CHRM3: variants seen among roughly 807,000 people sequenced by gnomAD.
The protein encoded by CHRM3 is muscarinic acetylcholine receptor M3.
Under a neutral mutation model 41.8 loss-of-function variants are expected in CHRM3, and 11 were observed. The observed-to-expected ratio is 0.26, with a 90% CI of 0.17 to 0.44. The LOEUF (loss-of-function observed/expected upper bound fraction) is 0.44, where lower values mean the gene tolerates loss of function less well. Among genes scored for constraint, CHRM3 ranks in the 20% least tolerant of loss-of-function variants. The pLI, the probability that CHRM3 is intolerant of heterozygous loss-of-function variation, is 1.00. For synonymous variants in CHRM3, 297 were observed against 301.4 expected (o/e 0.99, Z 0.15); for missense variants, 571 against 745.4 (o/e 0.77, Z 2.72).
chr1:239,754,615 T>A (rs191251573), intron 5 of CHRM3, among the ~76,000 whole-genome samples: 1 of 152,276 alleles, frequency 6.6e-6, no homozygotes, highest in Admixed American at 6.5e-5. Flanking sequence ...CTGGGAGATA[T>A]CAAGTCATTT....
At chr1:239,643,675 C>T (rs2148934473) in intron 4 of CHRM3, among the ~76,000 whole-genome samples, 1 of 152,304 alleles carries the variant, frequency 6.6e-6, no homozygotes, top group East Asian at 1.9e-4. Flanking sequence ...GTCTGTCACC[C>T]CTTTCTTTGA....
chr1:239,714,050 C>T (rs1349196418), intron 5 of CHRM3: 2 of 152,146 alleles, frequency 1.3e-5, no homozygotes, highest in African/African-American at 4.8e-5. Context: ...CTCTCAAGGC[C>T]TTAGTTCTTA....
intron 5 of CHRM3, among the ~76,000 whole-genome samples, chr1:239,825,496 T>C (rs1475425651): frequency 6.6e-6 from 1 of 152,224 alleles, no homozygotes; most frequent in Non-Finnish European, 1.5e-5. Context: ...CTGTAAGTTC[T>C]CGTGGTGTAT....
At chr1:239,700,173 C>A (rs748468057) in intron 5 of CHRM3, among the ~76,000 whole-genome samples, 50 of 152,086 alleles carry the variant, frequency 3.3e-4, no homozygotes, top group Non-Finnish European at 5.6e-4. Flanking sequence ...ACCTTTCTAT[C>A]GAGGTACCAG....
chr1:239,602,230 G>A (rs1271908015), intron 3 of CHRM3, among the ~76,000 whole-genome samples: 1 of 151,088 alleles, frequency 6.6e-6, no homozygotes, highest in African/African-American at 2.4e-5. Flanking sequence ...TGCCTCCCAG[G>A]TTCACGCCCG....
chr1:239,405,383 G>A (rs953808583), intron 1 of CHRM3, among the ~76,000 whole-genome samples: 1 of 152,080 alleles, frequency 6.6e-6, no homozygotes, highest in Admixed American at 6.6e-5. Context: ...AGATGAATAA[G>A]CAGGACAAGA....
At chr1:239,758,840 A>G (rs552199043) in intron 5 of CHRM3, among the ~76,000 whole-genome samples, 3 of 152,186 alleles carry the variant, frequency 2.0e-5, no homozygotes, top group Non-Finnish European at 4.4e-5. Flanking sequence ...AGTTGGTCTC[A>G]TAGATATTCA....
intron 5 of CHRM3, among the ~76,000 whole-genome samples, chr1:239,818,476 T>C (rs1350695587): frequency 6.6e-6 from 1 of 152,156 alleles, no homozygotes; most frequent in East Asian, 1.9e-4. Flanking sequence ...TGGTGTCCAG[T>C]CTTTAAAGCA....
chr1:239,684,331 A>G (rs149518132), intron 5 of CHRM3, among the ~76,000 whole-genome samples: 2 of 152,058 alleles, frequency 1.3e-5, no homozygotes, highest in Non-Finnish European at 2.9e-5. Flanking sequence ...TCCAGACCCA[A>G]ATGTCTCAGG....
chr1:239,476,077 GT>G (rs36026730), intron 1 of CHRM3, among the ~76,000 whole-genome samples: 75,901 of 150,624 alleles, frequency 0.5, 19,281 homozygotes, highest in Middle Eastern at 0.59. Context: ...TTTCTAGTTA[GT>G]TTTTTTTTTG....
chr1:239,711,315 G>C (rs972310663), intron 5 of CHRM3, among the ~76,000 whole-genome samples: 1 of 151,794 alleles, frequency 6.6e-6, no homozygotes, highest in African/African-American at 2.4e-5. Flanking sequence ...TGAGTCCCGG[G>C]TGCTCCCCAA....
At chr1:239,421,581 G>A (rs1468841213) in intron 1 of CHRM3, among the ~76,000 whole-genome samples, 1 of 152,094 alleles carries the variant, frequency 6.6e-6, no homozygotes, top group Non-Finnish European at 1.5e-5. Context: ...TATATGTTGT[G>A]TATGTGTGGC....
At chr1:239,838,169 GATT>G (rs1161020168) in intron 6 of CHRM3, among the ~76,000 whole-genome samples, 1 of 152,158 alleles carries the variant, frequency 6.6e-6, no homozygotes, top group Non-Finnish European at 1.5e-5. Context: ...GGGACTATAT[GATT>G]AATGGGAAGC....
At chr1:239,819,425 A>G (rs996756965) in intron 5 of CHRM3, among the ~76,000 whole-genome samples, 2 of 152,176 alleles carry the variant, frequency 1.3e-5, no homozygotes, top group Admixed American at 1.3e-4. Flanking sequence ...GAGGAAGAAA[A>G]GTATGAGTCC....
intron 3 of CHRM3, among the ~76,000 whole-genome samples, chr1:239,573,655 CCTG>C (rs1558330541): frequency 6.6e-6 from 1 of 151,932 alleles, no homozygotes; most frequent in East Asian, 1.9e-4. Context: ...TCTAGTTCTG[CCTG>C]CTAATAGGTA....
intron 3 of CHRM3, among the ~76,000 whole-genome samples, chr1:239,553,928 G>C (rs151077942): frequency 1.3e-5 from 2 of 152,058 alleles, no homozygotes; most frequent in Admixed American, 1.3e-4. Context: ...TCACTCTGTC[G>C]CCCAGGCTAG....
At chr1:239,617,841 T>C (rs910154118) in intron 3 of CHRM3, among the ~76,000 whole-genome samples, 5 of 152,188 alleles carry the variant, frequency 3.3e-5, no homozygotes, top group African/African-American at 1.2e-4. Context: ...CACACACACA[T>C]GCTCACAAGT....
intron 6 of CHRM3, among the ~76,000 whole-genome samples, chr1:239,848,639 A>G (rs1268637605): frequency 6.6e-6 from 1 of 152,162 alleles, no homozygotes; most frequent in African/African-American, 2.4e-5. Context: ...CAGCAGGTAC[A>G]TGCTTTTCTT....
chr1:239,724,546 A>C (rs1663261070), intron 5 of CHRM3, among the ~76,000 whole-genome samples: 1 of 151,850 alleles, frequency 6.6e-6, no homozygotes, highest in African/African-American at 2.4e-5. Flanking sequence ...TGTTGGGAGG[A>C]TTCAGTGGGA....
Sources: gnomAD v4.1 joint callset for allele counts (sites outside exome capture counted in the v4.1 genomes callset) on GRCh38, gnomAD v4.1.1 for gene constraint, MANE v1.5 for transcripts, NCBI Gene and HGNC (gene_info 2026-07-23, HGNC 2026-07-21) for gene names.